Variants in PTPRG observed in about 807,000 individuals in gnomAD.
PTPRG encodes the protein protein tyrosine phosphatase receptor type G.
PTPRG carries 102 observed loss-of-function variants against 165.3 expected under a neutral mutation model. The ratio of observed to expected loss-of-function variants is 0.62; its 90% CI spans 0.53 to 0.73. PTPRG has a LOEUF of 0.73. Ranked by LOEUF, PTPRG falls within the 30% of genes least tolerant of loss-of-function variation. The probability of loss-of-function intolerance (pLI) is 0.00; values close to 1 mark genes in which losing one functional copy is unlikely to be tolerated. For synonymous variants in PTPRG, 675 were observed against 669.5 expected (o/e 1.01, Z -0.13); for missense variants, 1,866 against 1,861.4 (o/e 1.00, Z -0.05).
chr3:62,022,802 T>C (rs2041727978), intron 4 of PTPRG, among the ~76,000 whole-genome samples: 1 of 152,206 alleles, frequency 6.6e-6, no homozygotes, highest in South Asian at 2.1e-4. Context: ...GTATTTTGTA[T>C]AGAAGCTGTA....
chr3:61,742,737 G>A, intron 1 of PTPRG: 1 of 1,610,524 alleles, frequency 6.2e-7, no homozygotes, highest in Non-Finnish European at 8.5e-7. Flanking sequence ...GACCTGGGCC[G>A]AGGATTCGTG....
intron 2 of PTPRG, among the ~76,000 whole-genome samples, chr3:61,801,508 G>C (rs561390481): frequency 6.6e-6 from 1 of 151,976 alleles, no homozygotes; most frequent in South Asian, 2.1e-4. Flanking sequence ...GAAGAAAGGG[G>C]AGGAGAAGAT....
intron 1 of PTPRG, among the ~76,000 whole-genome samples, chr3:61,569,350 G>T (rs1700000973): frequency 6.6e-6 from 1 of 152,134 alleles, no homozygotes; most frequent in Non-Finnish European, 1.5e-5. Flanking sequence ...TTCTTCCTCT[G>T]TGAAATGGGG....
chr3:61,721,119 TC>T (rs2032026881), intron 1 of PTPRG, among the ~76,000 whole-genome samples: 4 of 152,190 alleles, frequency 2.6e-5, no homozygotes, highest in African/African-American at 9.6e-5. Context: ...ATTTTACCCT[TC>T]AGTGTTGATT....
intron 1 of PTPRG, among the ~76,000 whole-genome samples, chr3:61,611,733 C>T (rs1224710010): frequency 5.9e-5 from 9 of 152,240 alleles, no homozygotes; most frequent in Non-Finnish European, 1.0e-4. Context: ...GCAGAAGTAG[C>T]CACAGACAGT....
chr3:62,079,897 T>C lies in PTPRG; in HGVS notation c.615+1639T>C, dbSNP rs577588155. On this transcript the variant is annotated intron_variant, in intron 5 of 29. Transcript: ENST00000474889. Reference sequence around the variant, plus strand: ...ACTTCCTAGTATGGCTCCTGGAACATAGCGGACACTTGGAAATTCCCAAAT... The same window carrying C: ...ACTTCCTAGTATGGCTCCTGGAACACAGCGGACACTTGGAAATTCCCAAAT... Among the ~76,000 whole-genome samples, 12 of 152,278 alleles carry C rather than the reference T, an allele frequency of 7.9e-5. No individual in the cohort carries two copies. The East Asian group carries it at 1.9e-3, about 25-fold the overall frequency.
chr3:61,749,012 A>G (rs2106915586), intron 2 of PTPRG, 30 bp downstream of exon 2: 1 of 1,554,062 alleles, frequency 6.4e-7, no homozygotes, highest in South Asian at 1.1e-5. Flanking sequence ...TGGAGATCAC[A>G]CAGGCCAGTT....
intron 27 of PTPRG, 144 bp from the exon 28 acceptor site, chr3:62,282,580 TTTC>T (rs1702494130): frequency 2.6e-6 from 2 of 764,346 alleles, no homozygotes; most frequent in East Asian, 6.0e-5. Flanking sequence ...TCCTGGTATT[TTTC>T]TTCTTTCCAG....
intron 5 of PTPRG, among the ~76,000 whole-genome samples, chr3:62,103,624 C>G (rs1451670896): frequency 6.6e-6 from 1 of 152,226 alleles, no homozygotes; most frequent in African/African-American, 2.4e-5. Flanking sequence ...GATAGATCCT[C>G]TTTTCATTCT....
intron 1 of PTPRG, among the ~76,000 whole-genome samples, chr3:61,638,590 A>AATTTT (rs1701980685): frequency 2.0e-5 from 1 of 49,402 alleles, no homozygotes; most frequent in Non-Finnish European, 4.5e-5. Context: ...ATGCCTGGCT[A>AATTTT]GTTTTTTTTT....
intron 1 of PTPRG, among the ~76,000 whole-genome samples, chr3:61,642,999 T>C (rs1045484047): frequency 1.3e-5 from 2 of 152,164 alleles, no homozygotes; most frequent in Non-Finnish European, 2.9e-5. Flanking sequence ...TTACAGTAAC[T>C]ACAGAGGACA....
At chr3:61,992,334 T>G (rs1291614364) in intron 3 of PTPRG, among the ~76,000 whole-genome samples, 1 of 152,186 alleles carries the variant, frequency 6.6e-6, no homozygotes, top group African/African-American at 2.4e-5. Context: ...TTGTTTTGTT[T>G]TAACACTAAT....
rs1018817991 is a variant in PTPRG at position 61,691,890 on chromosome 3, G to T, written c.86-56988G>T. Among the ~76,000 whole-genome samples, 3 of 152,124 alleles carry T rather than the reference G, an allele frequency of 2.0e-5. No individual in the cohort carries two copies. The East Asian group carries it at 5.8e-4, about 29-fold the overall frequency. Reference sequence around the variant, plus strand: ...TAAAGAGGACTTACATTTAACCTTGGATTCATTAACAATTTATTGCTGGGA... The same window carrying T: ...TAAAGAGGACTTACATTTAACCTTGTATTCATTAACAATTTATTGCTGGGA... On this transcript the variant is annotated intron_variant, in intron 1 of 29. Coordinates refer to ENST00000474889, the MANE Select transcript of PTPRG (RefSeq NM_002841.4).
chr3:61,842,103 C>G (rs1043684200), intron 2 of PTPRG, among the ~76,000 whole-genome samples: 1 of 152,090 alleles, frequency 6.6e-6, no homozygotes, highest in Non-Finnish European at 1.5e-5. Flanking sequence ...TTATAAGAAC[C>G]AATGCAGCAC....
intron 1 of PTPRG, among the ~76,000 whole-genome samples, chr3:61,695,873 A>G (rs1008855029): frequency 6.6e-6 from 1 of 152,190 alleles, no homozygotes; most frequent in Non-Finnish European, 1.5e-5. Context: ...ACACTACTGT[A>G]TACTATATAC....
At chr3:61,672,756 G>A (rs1184472283) in intron 1 of PTPRG, among the ~76,000 whole-genome samples, 1 of 144,534 alleles carries the variant, frequency 6.9e-6, no homozygotes, top group Non-Finnish European at 1.5e-5. Flanking sequence ...GGGAGAGGGA[G>A]AGGGAGAAGA....
chr3:61,764,967 C>A (rs1002055984), intron 2 of PTPRG, among the ~76,000 whole-genome samples: 2 of 152,128 alleles, frequency 1.3e-5, no homozygotes, highest in Non-Finnish European at 2.9e-5. Flanking sequence ...GAACAGCCCC[C>A]ACAATAAAGA....
intron 17 of PTPRG, chr3:62,263,675 T>C (rs1302693582): frequency 6.6e-6 from 1 of 152,254 alleles, no homozygotes; most frequent in Non-Finnish European, 1.5e-5. Flanking sequence ...GTATAATGTT[T>C]TCTTAAAGTT....
chr3:61,663,371 A>G (rs946639231), intron 1 of PTPRG, among the ~76,000 whole-genome samples: 3 of 152,148 alleles, frequency 2.0e-5, no homozygotes, highest in African/African-American at 4.8e-5. Context: ...ATATCATTGT[A>G]TAATTTTGAG....
Sources: allele counts gnomAD v4.1 joint callset (sites outside exome capture counted in the v4.1 genomes callset), GRCh38; gene constraint gnomAD v4.1.1; transcripts MANE v1.5; gene names NCBI Gene and HGNC (gene_info 2026-07-23, HGNC 2026-07-21).